Variants in GBF1 observed in about 807,000 individuals in gnomAD.
The protein encoded by GBF1 is golgi brefeldin A resistant guanine nucleotide exchange factor 1, also known as Golgi-specific brefeldin A-resistance guanine nucleotide exchange factor 1.
A neutral mutation model predicts 210.5 loss-of-function variants in GBF1; 114 were observed. The ratio of observed to expected loss-of-function variants is 0.54; its 90% CI spans 0.47 to 0.63. GBF1 has a LOEUF of 0.63. GBF1 is among the 30% of genes least tolerant of loss of function. The probability of loss-of-function intolerance (pLI) is 0.00; values close to 1 mark genes in which losing one functional copy is unlikely to be tolerated. For missense variants in GBF1, 1,851 were observed against 2,357.7 expected (o/e 0.79, Z 4.45); for synonymous variants, 850 against 889.2 (o/e 0.96, Z 0.78).
intron 3 of GBF1, among the ~76,000 whole-genome samples, chr10:102,330,015 T>C (rs2057221100): frequency 6.6e-6 from 1 of 152,114 alleles, no homozygotes; most frequent in South Asian, 2.1e-4. Flanking sequence ...GAGTTGGTAG[T>C]CTTAGCCACT....
Position 102,381,186 on chromosome 10 carries a change from G to A in GBF1, c.5233G>A (p.Ala1745Thr), listed in dbSNP as rs551452443. 1.2e-5 allele frequency: 20 copies of A among 1,613,872 alleles called. No homozygotes were observed. The highest frequency in any genetic ancestry group is 8.8e-5 in the South Asian group (8 of 91,072). The change falls in exon 39 of 40, where the codon GCT (alanine) becomes ACT (threonine). Residue 1745 changes from alanine to threonine, a missense_variant. Ala to Thr is a moderately conservative substitution (Grantham distance 58). This residue lies in a region of GBF1 where 967 missense variants were observed against 1,247.7 expected (regional missense o/e 0.78). Transcript: ENST00000369983. ...KPLASAHLTS[A>T]AGDTRTPGHP... ...TCTCGCCTCAGCCCACCTGACTTCC[G>A]CTGCTGGCGACACTAGGACACCTGG...
chr10:102,268,374 A>G (rs2074077768), intron 3 of GBF1, among the ~76,000 whole-genome samples: 1 of 152,262 alleles, frequency 6.6e-6, no homozygotes, highest in Non-Finnish European at 1.5e-5. Context: ...CATTCTTAAT[A>G]GTTTAGCTCT....
chr10:102,340,267 CTTT>C (rs1158590447), intron 3 of GBF1, among the ~76,000 whole-genome samples: 1 of 83,520 alleles, frequency 1.2e-5, no homozygotes. Context: ...TGGTCCATGC[CTTT>C]TTTTTTTTTT....
At chr10:102,267,968 C>T (rs1466724573) in intron 3 of GBF1, among the ~76,000 whole-genome samples, 1 of 152,176 alleles carries the variant, frequency 6.6e-6, no homozygotes, top group Non-Finnish European at 1.5e-5. Context: ...GTAGACATTT[C>T]AGCACAGTTA....
At position 102,366,182 on chromosome 10, in the gene GBF1, G is replaced by A. The variant is rs1042289640; in HGVS notation, c.2310-201G>A. On this transcript the variant is annotated intron_variant, in intron 18 of 39. Coordinates refer to ENST00000369983, the MANE Select transcript of GBF1 (RefSeq NM_001377137.1). The surrounding 1 kb of genome is among the most constrained non-coding windows in gnomAD (Gnocchi z 4.0). Reference sequence around the variant, plus strand: ...GGTAGAGCAGGGTTCCAGGGGGTGAGGGTTCTAGGCAAGAGTCCGTGGATG... The same window carrying A: ...GGTAGAGCAGGGTTCCAGGGGGTGAAGGTTCTAGGCAAGAGTCCGTGGATG... 1.3e-5 allele frequency among the ~76,000 whole-genome samples: 2 copies of A among 152,126 alleles called. No individual in the cohort carries two copies. Among genetic ancestry groups the A allele is most frequent in the Admixed American group, 1.3e-4 (2 of 15,268 alleles).
chr10:102,358,046 T>G lies in GBF1; in HGVS notation c.647T>G (p.Met216Arg). Reference sequence around the variant, plus strand: ...GGGGTATGATATTTCCAGCTGAAAATGAGAGCCGGAGGCATGAGTGATTCA... The same window carrying G: ...GGGGTATGATATTTCCAGCTGAAAAGGAGAGCCGGAGGCATGAGTGATTCA... ...YVGTNMKKLKMRAGGMSDSSK... is the reference protein window; with the variant it reads ...YVGTNMKKLKRRAGGMSDSSK... Residue 216 changes from methionine (M) to arginine (R), a missense_variant, in exon 9 of 40, where the codon ATG becomes AGG. Coordinates refer to ENST00000369983, the MANE Select transcript of GBF1 (RefSeq NM_001377137.1). 6.2e-7 allele frequency: 1 copy of G among 1,604,618 alleles called. No homozygotes were observed. The highest frequency in any genetic ancestry group is 8.5e-7 in the Non-Finnish European group (1 of 1,171,418).
intron 3 of GBF1, among the ~76,000 whole-genome samples, chr10:102,337,153 C>T (rs951519033): frequency 3.3e-5 from 5 of 150,990 alleles, no homozygotes; most frequent in Middle Eastern, 3.5e-3. Flanking sequence ...CCGAGGTGGG[C>T]GGATCACGAG....
At position 102,351,926 on chromosome 10, in the gene GBF1, G is replaced by C. The variant is rs201577906; in HGVS notation, c.498G>C (p.Arg166=). The change falls in exon 6 of 40, where the codon CGG becomes CGC. Residue 166 remains arginine, a synonymous_variant. Coordinates refer to ENST00000369983, the MANE Select transcript of GBF1 (RefSeq NM_001377137.1). ...SVCEIMQSCF[R]ICFEMRLSEL... is the part of the protein sequence containing the mutation. ...GTGAGATTATGCAGTCTTGCTTCCG[G>C]ATCTGCTTTGAAATGAGGCTCAGTG... 2 of 1,605,846 alleles carry C rather than the reference G, an allele frequency of 1.2e-6. No homozygotes were observed. Among genetic ancestry groups the C allele is most frequent in the Non-Finnish European group, 1.7e-6 (2 of 1,172,626 alleles).
chr10:102,315,804 G>T (rs1410388469), intron 3 of GBF1, among the ~76,000 whole-genome samples: 1 of 152,136 alleles, frequency 6.6e-6, no homozygotes, highest in African/African-American at 2.4e-5. Flanking sequence ...GACCCCTGCT[G>T]TAGGTAACAG....
Position 102,358,701 on chromosome 10 carries a change from T to C in GBF1, c.983T>C (p.Leu328Pro). ...GCTACAGAGCCTGGAAGCAGTGAGC[T>C]AGGTGTTCCCGAGCAGCCTGACCTC... ...STATEPGSSE[L>P]GVPEQPDLQQ... Residue 328 changes from leucine (L) to proline (P), a missense_variant, in exon 10 of 40, where the codon CTA becomes CCA. Coordinates refer to ENST00000369983, the MANE Select transcript of GBF1 (RefSeq NM_001377137.1). The C allele has an allele frequency of 6.2e-7, 1 of 1,613,772 alleles. No homozygotes were observed. The highest frequency in any genetic ancestry group is 1.6e-4 in the Middle Eastern group (1 of 6,062).
upstream of GBF1, among the ~76,000 whole-genome samples, chr10:102,243,713 C>T (rs901094940): frequency 3.3e-5 from 5 of 152,200 alleles, no homozygotes; most frequent in African/African-American, 1.2e-4. Context: ...TCCTCTTTCC[C>T]TGACTCTCTT....
chr10:102,374,869 C>T (rs1345509396), intron 29 of GBF1, among the ~76,000 whole-genome samples: 3 of 152,040 alleles, frequency 2.0e-5, no homozygotes, highest in Non-Finnish European at 4.4e-5. Flanking sequence ...ATAATTTTCT[C>T]AATAAAAATT....
At chr10:102,376,460 G>C (rs1274674130) in intron 31 of GBF1, 28 bp downstream of exon 31, 3 of 1,613,474 alleles carry the variant, frequency 1.9e-6, no homozygotes, top group Non-Finnish European at 2.5e-6. Context: ...CAGCAATTGA[G>C]TCTCTCCTGC....
At chr10:102,247,026 G>A (rs1048005661) in intron 1 of GBF1, among the ~76,000 whole-genome samples, 3 of 152,128 alleles carry the variant, frequency 2.0e-5, no homozygotes, top group Non-Finnish European at 2.9e-5. Flanking sequence ...CTCAATAAAC[G>A]TTATCTCTAT....
chr10:102,231,582 G>A, the GBF1 span: 1 of 1,571,636 alleles, frequency 6.4e-7, no homozygotes, highest in Non-Finnish European at 8.7e-7. Flanking sequence ...GGTCTGGAGA[G>A]CATACCCGCA....
intron 30 of GBF1, 31 bp from the exon 31 acceptor site, chr10:102,376,241 C>T: frequency 6.2e-7 from 1 of 1,601,872 alleles, no homozygotes; most frequent in East Asian, 2.2e-5. Context: ...CATCCCCACC[C>T]TGACTCTGCC....
chr10:102,348,478 C>T (rs1413913157), intron 4 of GBF1, among the ~76,000 whole-genome samples: 3 of 152,218 alleles, frequency 2.0e-5, no homozygotes, highest in Non-Finnish European at 4.4e-5. Flanking sequence ...AACAAGGCTA[C>T]TATTCACTTA....
At chr10:102,335,494 G>A (rs1367136307) in intron 3 of GBF1, among the ~76,000 whole-genome samples, 1 of 152,230 alleles carries the variant, frequency 6.6e-6, no homozygotes, top group Non-Finnish European at 1.5e-5. Context: ...AGAAGATCCA[G>A]ACAATTGAAT....
intron 3 of GBF1, among the ~76,000 whole-genome samples, chr10:102,291,921 G>A (rs1398385612): frequency 7.2e-6 from 1 of 138,114 alleles, no homozygotes; most frequent in Non-Finnish European, 1.5e-5. Flanking sequence ...AGGGAGTCTC[G>A]CTGTGTCGCC....
Sources: gnomAD v4.1 joint callset for allele counts (sites outside exome capture counted in the v4.1 genomes callset) on GRCh38, gnomAD v4.1.1 for gene constraint, gnomAD v4.1.1 regional missense constraint, Gnocchi (gnomAD v3.1) non-coding constraint, MANE v1.5 for transcripts, NCBI Gene and HGNC (gene_info 2026-07-23, HGNC 2026-07-21) for gene names.